HUWE1: variants seen among roughly 807,000 people sequenced by gnomAD.
The protein encoded by HUWE1 is E3 ubiquitin-protein ligase HUWE1.
In HUWE1, 18 loss-of-function variants were observed where a neutral mutation model predicts 299.4. The ratio of observed to expected loss-of-function variants is 0.06; its 90% CI spans 0.04 to 0.09. HUWE1 has a LOEUF of 0.09. Among genes scored for constraint, HUWE1 ranks in the 10% least tolerant of loss-of-function variants. HUWE1 has a pLI of 1.00. For synonymous variants in HUWE1, 1,317 were observed against 1,286.1 expected (o/e 1.02, Z -0.51); for missense variants, 1,832 against 3,462.3 (o/e 0.53, Z 11.82).
In HUWE1 at chrX:53,534,644, G is replaced by T; in HGVS notation, c.12703C>A (p.Pro4235Thr). Reference sequence around the variant, plus strand: ...GTGAAGATGGAAATGAGGCGCTTTGGAATGATCTCATAGAAGCCTTCTAAG... The same window carrying T: ...GTGAAGATGGAAATGAGGCGCTTTGTAATGATCTCATAGAAGCCTTCTAAG... ...AFLEGFYEII[P>T]KRLISIFTEQ... The change falls in exon 82 of 84, where the codon CCA (proline) becomes ACA (threonine). Residue 4235 changes from proline (P) to threonine (T), a missense_variant. Physicochemically the swap from Pro to Thr is conservative, Grantham distance 38. Transcript: ENST00000262854. The T allele has an allele frequency of 8.3e-7, 1 of 1,211,223 alleles. No individual in the cohort carries two copies. The highest frequency in any genetic ancestry group is 1.1e-6 in the Non-Finnish European group (1 of 895,241).
At position 53,595,494 on chromosome X, in the gene HUWE1, T is replaced by C. The variant is rs1405266456; in HGVS notation, c.3164-91A>G. 1.1e-5 allele frequency: 8 copies of C among 705,576 alleles called. No homozygotes were observed. In the Admixed American group the frequency reaches 1.6e-4, roughly 14 times the overall value. The allele number at this position is 705,576 out of a possible 1,213,427, so 58.1% of individuals were successfully genotyped here. On this transcript the variant is annotated intron_variant, in intron 29 of 83. Coordinates refer to ENST00000262854, the MANE Select transcript of HUWE1 (RefSeq NM_031407.7). ...ATTACCATTAACATATTTTTATGACTCACCACTTCCTCCTACAACCCCTAG... is the reference window on the plus strand; with the variant it reads ...ATTACCATTAACATATTTTTATGACCCACCACTTCCTCCTACAACCCCTAG...
Position 53,565,216 on chromosome X carries a change from T to C in HUWE1, c.6731A>G (p.Asn2244Ser), listed in dbSNP as rs1296557764. 8.3e-7 allele frequency: 1 copy of C among 1,210,349 alleles called. No individual in the cohort carries two copies. The highest frequency in any genetic ancestry group is 1.1e-6 in the Non-Finnish European group (1 of 894,614). ...TGTTTCCAAAGGCTTCAGAGCAGCA[T>C]TGACTGTGTTGGCCATGTTGGGACT... Reference protein sequence around the residue: ...LSSPNMANTVNAALKPLETLS... With the variant: ...LSSPNMANTVSAALKPLETLS... The change falls in exon 50 of 84, where the codon AAT becomes AGT. Residue 2244 changes from asparagine to serine, a missense_variant. Coordinates refer to ENST00000262854, the MANE Select transcript of HUWE1 (RefSeq NM_031407.7).
chrX:53,636,889 TCA>T (rs1231379740), intron 7 of HUWE1, among the ~76,000 whole-genome samples: 1 of 112,347 alleles, frequency 8.9e-6, no homozygotes, highest in Non-Finnish European at 1.9e-5. Context: ...CCTAAAATAT[TCA>T]CAGACAGAAG....
chrX:53,625,461 T>C, intron 17 of HUWE1: 1 of 363,515 alleles, frequency 2.8e-6, no homozygotes. Flanking sequence ...ATTTTACCAA[T>C]ACTAAAAGTC....
chrX:53,559,677 T>G (rs1212869789), intron 56 of HUWE1, 145 bp from the exon 57 acceptor site: 51 of 555,811 alleles, frequency 9.2e-5, no homozygotes, highest in Non-Finnish European at 3.0e-5. Flanking sequence ...TCTAAGTTAT[T>G]TTTCTGAATA....
intron 74 of HUWE1, among the ~76,000 whole-genome samples, chrX:53,542,135 A>G (rs1395043964): frequency 1.8e-5 from 2 of 112,273 alleles, no homozygotes; most frequent in African/African-American, 3.2e-5. Flanking sequence ...GTGAGCAGAC[A>G]TCGTGCCACT....
chrX:53,648,550 C>CAA (rs1272859181), intron 4 of HUWE1, among the ~76,000 whole-genome samples: 1 of 96,369 alleles, frequency 1.0e-5, no homozygotes, highest in African/African-American at 4.3e-5. Context: ...CAAAAAAAAA[C>CAA]AAAAAACAAA....
intron 48 of HUWE1, 55 bp downstream of exon 48, chrX:53,569,561 A>G: frequency 9.1e-7 from 1 of 1,103,571 alleles, no homozygotes; most frequent in Admixed American, 2.2e-5. Context: ...TGGACTAAGA[A>G]GAAGAATAAG....
intron 2 of HUWE1, among the ~76,000 whole-genome samples, chrX:53,683,237 G>A (rs1182667947): frequency 9.0e-6 from 1 of 110,921 alleles, no homozygotes; most frequent in Non-Finnish European, 1.9e-5. Flanking sequence ...AACTATCCAC[G>A]TAGATGAAGA....
At chrX:53,651,674 C>T (rs184973498) in intron 4 of HUWE1, among the ~76,000 whole-genome samples, 152 of 111,352 alleles carry the variant, frequency 1.4e-3, no homozygotes, top group African/African-American at 4.6e-3. Context: ...AACCCACACA[C>T]GGAGGGCAGA....
At chrX:53,544,821 G>A (rs1337433572) in intron 71 of HUWE1, 59 bp from the exon 72 acceptor site, 11 of 996,177 alleles carry the variant, frequency 1.1e-5, no homozygotes, top group Non-Finnish European at 1.6e-5. Flanking sequence ...AACACCCAAA[G>A]CAAGCAAGGC....
At chrX:53,607,792 G>A (rs1556998236) in intron 24 of HUWE1, 93 bp from the exon 25 acceptor site, 5 of 566,552 alleles carry the variant, frequency 8.8e-6, no homozygotes, top group Non-Finnish European at 1.5e-5. Flanking sequence ...TTCTAGTCAT[G>A]ATATTAGTGT....
At position 53,533,464 on chromosome X, in the gene HUWE1, C is replaced by T. The variant is rs1479875336; in HGVS notation, c.13023-53G>A. The T allele has an allele frequency of 7.9e-6, 7 of 886,285 alleles. No individual in the cohort carries two copies. The East Asian group carries it at 2.2e-4, about 28-fold the overall frequency. The allele number at this position is 886,285 out of a possible 1,213,427, so 73.0% of individuals were successfully genotyped here. A position where few individuals can be genotyped will look rare whatever the true frequency, so the allele number is the denominator to read the frequency against. ...GGTGAGGGATGACAGATAACCAAAT[C>T]TGTGTGTTCCCATGGTGCCCACCAG... On this transcript the variant is annotated intron_variant, in intron 83 of 83. Coordinates refer to ENST00000262854, the MANE Select transcript of HUWE1 (RefSeq NM_031407.7).
chrX:53,588,292 C>T (rs142527055), intron 37 of HUWE1, 90 bp downstream of exon 37: 30,126 of 973,257 alleles, frequency 0.031, 419 homozygotes, highest in Middle Eastern at 0.052. Context: ...CCTTATTCTT[C>T]GCTTTATCGT....
At position 53,680,368 on chromosome X, in the gene HUWE1, A is replaced by C. The variant is rs782363560; in HGVS notation, c.-162-182T>G. 8.0e-5 allele frequency among the ~76,000 whole-genome samples: 9 copies of C among 112,411 alleles called. No homozygotes were observed. The South Asian group carries it at 3.3e-3, about 41-fold the overall frequency. On this transcript the variant is annotated intron_variant, in intron 2 of 83. Coordinates refer to ENST00000262854, the MANE Select transcript of HUWE1 (RefSeq NM_031407.7). ...TTGAGAAGTAACTGAGGAATTCAGA[A>C]CCAACAACTCTAATACTTCTAACGC... is the stretch of plus-strand genomic sequence containing the variant.
Position 53,614,687 on chromosome X carries a change from G to C in HUWE1, c.2108C>G (p.Ser703Ter). 1 of 1,207,869 alleles carries C rather than the reference G, an allele frequency of 8.3e-7. No homozygotes were observed. Among genetic ancestry groups the C allele is most frequent in the Non-Finnish European group, 1.1e-6 (1 of 892,241 alleles). Reference sequence around the variant, plus strand: ...GGCAGTGCCATCTGCCTTCTGGATTGATGGCTTCTGACAGATGTATTTGGG... The same window carrying C: ...GGCAGTGCCATCTGCCTTCTGGATTCATGGCTTCTGACAGATGTATTTGGG... ...RDPKYICQKP[S>*]IQKADGTATA... Residue 703 changes from serine to a stop codon, truncating the protein, a stop_gained, in exon 23 of 84, where the codon TCA becomes TGA. Coordinates refer to ENST00000262854, the MANE Select transcript of HUWE1 (RefSeq NM_031407.7). LOFTEE classifies it high-confidence loss of function.
chrX:53,624,718 A>C, intron 18 of HUWE1, 43 bp from the exon 19 acceptor site: 1 of 973,240 alleles, frequency 1.0e-6, no homozygotes, highest in Non-Finnish European at 1.5e-6. Flanking sequence ...AATAGTCTGG[A>C]AAGGTGTGAG....
intron 7 of HUWE1, among the ~76,000 whole-genome samples, chrX:53,636,751 C>T (rs782721976): frequency 9.0e-6 from 1 of 111,597 alleles, no homozygotes; most frequent in South Asian, 3.7e-4. Context: ...CTAAATATGG[C>T]CAAATAGTCA....
At chrX:53,595,588 T>C (rs996771649) in intron 29 of HUWE1, among the ~76,000 whole-genome samples, 185 bp from the exon 30 acceptor site, 2 of 111,990 alleles carry the variant, frequency 1.8e-5, no homozygotes, top group Middle Eastern at 4.2e-3. Flanking sequence ...AATGCCACTT[T>C]TGACGGTAGG....
Sources: gnomAD v4.1 joint callset for allele counts (sites outside exome capture counted in the v4.1 genomes callset) on GRCh38, gnomAD v4.1.1 for gene constraint, MANE v1.5 for transcripts, NCBI Gene and HGNC (gene_info 2026-07-23, HGNC 2026-07-21) for gene names.